The following SLC13A3 variants were observed in gnomAD, a reference collection of about 807,000 sequenced individuals.
SLC13A3 encodes Na(+)/dicarboxylate cotransporter 3.
Under a neutral mutation model 59.0 loss-of-function variants are expected in SLC13A3, and 40 were observed. That is an observed-to-expected ratio of 0.68 (90% CI 0.53 to 0.88). The LOEUF is 0.88. Ranked by LOEUF, SLC13A3 falls within the 40% of genes least tolerant of loss-of-function variation. The pLI is 0.00. For missense variants in SLC13A3, 699 were observed against 783.2 expected, an observed-to-expected ratio of 0.89 and a Z score of 1.28; for synonymous variants, 317 against 330.3, an observed-to-expected ratio of 0.96 and a Z score of 0.44.
At chr20:46,659,148 C>T (rs1344499417) in intron 1 of SLC13A3, among the ~76,000 whole-genome samples, 1 of 152,134 alleles carries the variant, frequency 6.6e-6, no homozygotes, top group Non-Finnish European at 1.5e-5. Flanking sequence ...AATCAATTTA[C>T]ATCTAATATA....
intron 10 of SLC13A3, among the ~76,000 whole-genome samples, chr20:46,572,456 G>A (rs556060473): frequency 6.6e-6 from 1 of 152,250 alleles, no homozygotes; most frequent in African/African-American, 2.4e-5. Context: ...GCGTCCCGCA[G>A]CCCAGCCTCC....
chr20:46,681,196 G>C (rs1568969524), intron 1 of SLC13A3, among the ~76,000 whole-genome samples: 2 of 152,226 alleles, frequency 1.3e-5, no homozygotes. Flanking sequence ...GTGAAGGAGT[G>C]AGTGAAGAGA....
chr20:46,647,299 C>T (rs1225485732), intron 1 of SLC13A3, among the ~76,000 whole-genome samples: 4 of 152,212 alleles, frequency 2.6e-5, no homozygotes, highest in Admixed American at 2.6e-4. Flanking sequence ...GTTAAGAACT[C>T]CTCTTGGACA....
intron 8 of SLC13A3, chr20:46,585,667 T>A (rs1376869349): frequency 7.8e-7 from 1 of 1,289,656 alleles, no homozygotes; most frequent in African/African-American, 1.5e-5. Flanking sequence ...AAGATGTATA[T>A]CAGAATTAGA....
At chr20:46,684,363 G>C (rs575683049) in intron 1 of SLC13A3, 1 of 152,148 alleles carries the variant, frequency 6.6e-6, no homozygotes, top group Non-Finnish European at 1.5e-5. Flanking sequence ...CCCGAGACCG[G>C]GTAATTTATA....
At chr20:46,647,019 C>T (rs2694875) in intron 1 of SLC13A3, among the ~76,000 whole-genome samples, 2,062 of 152,290 alleles carry the variant, frequency 0.014, 45 homozygotes, top group African/African-American at 0.047. Context: ...ACCATCCCCC[C>T]CAAATATCTC....
intron 8 of SLC13A3, chr20:46,585,417 A>G: frequency 1.0e-6 from 1 of 992,944 alleles, no homozygotes; most frequent in Non-Finnish European, 1.2e-6. Flanking sequence ...TCAATACAAA[A>G]TTAAAAAGCG....
intron 1 of SLC13A3, among the ~76,000 whole-genome samples, chr20:46,614,410 T>C (rs2062534797): frequency 6.6e-6 from 1 of 152,206 alleles, no homozygotes. Context: ...GGCATCCTTA[T>C]GTGCAGACTG....
chr20:46,607,374 T>C (rs1348499389), intron 3 of SLC13A3, among the ~76,000 whole-genome samples: 1 of 152,084 alleles, frequency 6.6e-6, no homozygotes, highest in Non-Finnish European at 1.5e-5. Flanking sequence ...GAATCTCTAC[T>C]CCCTCCACCC....
intron 12 of SLC13A3, among the ~76,000 whole-genome samples, chr20:46,562,594 T>A (rs1423739028): frequency 6.6e-6 from 1 of 152,190 alleles, no homozygotes. Context: ...GCTGAACTTG[T>A]TCACGTCTGT....
At chr20:46,583,009 A>G (rs2062153655) in intron 9 of SLC13A3, 1 of 985,846 alleles carries the variant, frequency 1.0e-6, no homozygotes. Flanking sequence ...TACGGTTGAA[A>G]CCCAGCTTGT....
At chr20:46,607,828 CG>C (rs1397060753) in intron 3 of SLC13A3, among the ~76,000 whole-genome samples, 5 of 152,192 alleles carry the variant, frequency 3.3e-5, no homozygotes, top group Non-Finnish European at 1.5e-5. Flanking sequence ...AACTGCGTAA[CG>C]GGGGGTGGGA....
chr20:46,666,265 G>A (rs1000033359), intron 1 of SLC13A3, among the ~76,000 whole-genome samples: 1 of 152,202 alleles, frequency 6.6e-6, no homozygotes, highest in Non-Finnish European at 1.5e-5. Context: ...ATTATACCGT[G>A]GAGAGAGTCT....
upstream of SLC13A3, among the ~76,000 whole-genome samples, chr20:46,674,604 C>CGCGTGT (rs370861850): frequency 1.4e-3 from 183 of 127,956 alleles, 1 homozygote; most frequent in Middle Eastern, 4.2e-3. Context: ...CGCGCGCGCG[C>CGCGTGT]GTGTGTGTGT....
intron 1 of SLC13A3, among the ~76,000 whole-genome samples, chr20:46,676,804 C>T (rs1007642979): frequency 2.0e-5 from 3 of 152,094 alleles, no homozygotes; most frequent in Non-Finnish European, 2.9e-5. Flanking sequence ...ACAGTGGGGA[C>T]GACGGCAGAA....
chr20:46,663,145 T>TAAAAA (rs2063041574), intron 1 of SLC13A3, among the ~76,000 whole-genome samples: 1 of 151,442 alleles, frequency 6.6e-6, no homozygotes, highest in Non-Finnish European at 1.5e-5. Flanking sequence ...TAAAATAAAA[T>TAAAAA]AAAAAAGAAT....
At chr20:46,579,949 G>A (rs1033869564) in intron 9 of SLC13A3, among the ~76,000 whole-genome samples, 11 of 151,996 alleles carry the variant, frequency 7.2e-5, no homozygotes, top group South Asian at 2.1e-4. Flanking sequence ...GCCTTGCCAC[G>A]AGACTGAGGC....
intron 1 of SLC13A3, among the ~76,000 whole-genome samples, chr20:46,642,555 AC>A (rs1032124237): frequency 2.0e-5 from 3 of 151,510 alleles, no homozygotes; most frequent in African/African-American, 7.3e-5. Context: ...TGGGAAGATG[AC>A]TCCTTGCCCT....
chr20:46,589,324 A>T, intron 6 of SLC13A3, 69 bp from the exon 7 acceptor site: 4 of 1,320,600 alleles, frequency 3.0e-6, no homozygotes, highest in Non-Finnish European at 3.2e-6. Context: ...TACAACAAGC[A>T]CCACCACCTG....
Sources: allele counts gnomAD v4.1 joint callset (sites outside exome capture counted in the v4.1 genomes callset), GRCh38; gene constraint gnomAD v4.1.1; transcripts MANE v1.5; gene names NCBI Gene and HGNC (gene_info 2026-07-23, HGNC 2026-07-21).